The following IGSF21 variants were observed in gnomAD, a reference collection of about 807,000 sequenced individuals.
IGSF21 encodes immunoglobin superfamily member 21.
IGSF21 carries 28 observed loss-of-function variants against 46.8 expected under a neutral mutation model. The observed-to-expected ratio is 0.60, with a 90% CI of 0.44 to 0.82. The LOEUF (loss-of-function observed/expected upper bound fraction) is 0.82, where lower values mean the gene tolerates loss of function less well. IGSF21 is among the 40% of genes least tolerant of loss of function. The pLI is 0.00. For synonymous variants in IGSF21, 284 were observed against 273.6 expected (o/e 1.04, Z -0.38); for missense variants, 624 against 665.5 (o/e 0.94, Z 0.69).
chr1:18,180,437 G>A (rs996848193), intron 1 of IGSF21, among the ~76,000 whole-genome samples: 1 of 152,206 alleles, frequency 6.6e-6, no homozygotes, highest in Non-Finnish European at 1.5e-5. Flanking sequence ...CACCATTGCA[G>A]AGACTGAGGC....
At chr1:18,271,090 G>A in intron 2 of IGSF21, among the ~76,000 whole-genome samples, 1 of 152,180 alleles carries the variant, frequency 6.6e-6, no homozygotes, top group East Asian at 1.9e-4. Context: ...AGCACAGAGA[G>A]ACAGCTGCTC....
At chr1:18,254,148 G>A (rs888917405) in intron 2 of IGSF21, among the ~76,000 whole-genome samples, 2 of 152,184 alleles carry the variant, frequency 1.3e-5, no homozygotes, top group Admixed American at 6.5e-5. Context: ...CTTGTAGTAA[G>A]TTCTGGAGCC....
chr1:18,143,444 TC>T (rs2086436649), intron 1 of IGSF21, among the ~76,000 whole-genome samples: 1 of 152,146 alleles, frequency 6.6e-6, no homozygotes, highest in Non-Finnish European at 1.5e-5. Context: ...CTTAGAACTC[TC>T]CATGGCTCCC....
intron 1 of IGSF21, among the ~76,000 whole-genome samples, chr1:18,122,613 G>T (rs572644164): frequency 2.0e-5 from 3 of 148,448 alleles, no homozygotes; most frequent in Non-Finnish European, 3.0e-5. Context: ...ATTGACTGTC[G>T]ATTTTTTTTC....
chr1:18,368,564 C>A (rs1482209780), intron 6 of IGSF21, among the ~76,000 whole-genome samples: 1 of 148,486 alleles, frequency 6.7e-6, no homozygotes, highest in Non-Finnish European at 1.5e-5. Flanking sequence ...CATCACAAGG[C>A]CAGGCCCTGT....
chr1:18,370,861 C>A (rs1427738868), intron 6 of IGSF21, among the ~76,000 whole-genome samples: 2 of 152,036 alleles, frequency 1.3e-5, no homozygotes, highest in African/African-American at 4.8e-5. Flanking sequence ...ATGAAGATTC[C>A]AACCTCCATG....
At chr1:18,284,736 T>TC (rs2085196000) in intron 2 of IGSF21, among the ~76,000 whole-genome samples, 1 of 152,200 alleles carries the variant, frequency 6.6e-6, no homozygotes, top group Admixed American at 6.5e-5. Context: ...AATGCCCTTT[T>TC]CCCCTAACTA....
In IGSF21 at chr1:18,378,333, C is replaced by T. The variant is rs1411027755; in HGVS notation, c.*7C>T. 1 of 1,612,602 alleles carries T rather than the reference C, an allele frequency of 6.2e-7. No individual in the cohort carries two copies. Among genetic ancestry groups the T allele is most frequent in the Non-Finnish European group, 8.5e-7 (1 of 1,179,058 alleles). On this transcript the variant is annotated 3_prime_UTR_variant, in exon 10 of 10. Transcript: ENST00000251296. ...GATTCTGGAGCTGACGTGAAGGCACCCGCCCCGGCCACTCCATCAGGCACT... is the reference window on the plus strand; with the variant it reads ...GATTCTGGAGCTGACGTGAAGGCACTCGCCCCGGCCACTCCATCAGGCACT...
intron 2 of IGSF21, among the ~76,000 whole-genome samples, chr1:18,269,545 G>A (rs1382850887): frequency 6.6e-6 from 1 of 152,158 alleles, no homozygotes; most frequent in Non-Finnish European, 1.5e-5. Flanking sequence ...CTAAAGTCCA[G>A]AGTCTGCACC....
rs2086159051 is a variant in IGSF21, at chr1:18,365,756, CT to C, written c.1015+61del. 2 of 1,426,480 alleles carry C rather than the reference CT, an allele frequency of 1.4e-6. No individual in the cohort carries two copies. Among genetic ancestry groups the C allele is most frequent in the African/African-American group, 2.8e-5 (2 of 70,434 alleles). 88.4% of individuals were successfully genotyped at this position (1,426,480 alleles called of 1,614,324 possible). A position where few individuals can be genotyped will look rare whatever the true frequency, so the allele number is the denominator to read the frequency against. ...TTGCAGACCTGGGTGTGGGGAGAGCCTTGGAATAGGGTTCCTGGGCTGAGGA... is the reference window on the plus strand; with the variant it reads ...TTGCAGACCTGGGTGTGGGGAGAGCCTGGAATAGGGTTCCTGGGCTGAGGA... On this transcript the variant is annotated intron_variant, in intron 6 of 9. Transcript: ENST00000251296. The surrounding 1 kb of genome is among the most constrained non-coding windows in gnomAD (Gnocchi z 4.8).
chr1:18,216,840 G>A (rs574030011), intron 1 of IGSF21, among the ~76,000 whole-genome samples: 1 of 152,154 alleles, frequency 6.6e-6, no homozygotes, highest in East Asian at 1.9e-4. Flanking sequence ...AGATATGGTT[G>A]CAGTAATTGG....
chr1:18,221,412 G>A (rs1166310055), intron 1 of IGSF21, among the ~76,000 whole-genome samples: 1 of 152,070 alleles, frequency 6.6e-6, no homozygotes, highest in Non-Finnish European at 1.5e-5. Flanking sequence ...TCTCATGGAA[G>A]CCCTCGCTGA....
rs369354527 is a variant in IGSF21 at position 18,223,186 on chromosome 1, C to A, written c.71-4712C>A. Among the ~76,000 whole-genome samples the A allele has an allele frequency of 1.7e-4, 26 of 152,336 alleles. 2 individuals are homozygous for A. The South Asian group carries it at 3.7e-3, about 22-fold the overall frequency. ...CCCACCATCTCTCACGTGAGCCTGG[C>A]CCCAACCCCAGGTCTCTCTGTTTAT... is the stretch of plus-strand genomic sequence containing the variant. On this transcript the variant is annotated intron_variant, in intron 1 of 9. Coordinates refer to ENST00000251296, the MANE Select transcript of IGSF21 (RefSeq NM_032880.5).
At chr1:18,305,532 A>AATGGATGGATGGATGATGG (rs2085415792) in intron 3 of IGSF21, among the ~76,000 whole-genome samples, 1 of 50,516 alleles carries the variant, frequency 2.0e-5, no homozygotes, top group African/African-American at 4.7e-5. Flanking sequence ...ATGGATTATG[A>AATGGATGGATGGATGATGG]ATGGATGGAT....
At chr1:18,140,462 A>G (rs921866826) in intron 1 of IGSF21, among the ~76,000 whole-genome samples, 9 of 152,266 alleles carry the variant, frequency 5.9e-5, no homozygotes, top group Middle Eastern at 3.4e-3. Flanking sequence ...CCAAGCCTCA[A>G]TGTGCCTAGA....
chr1:18,225,242 C>A (rs535038507), intron 1 of IGSF21, among the ~76,000 whole-genome samples: 5 of 152,100 alleles, frequency 3.3e-5, no homozygotes, highest in African/African-American at 1.2e-4. Context: ...CACACACTTC[C>A]TGATTCACCT....
At chr1:18,168,409 G>A (rs1256904944) in intron 1 of IGSF21, among the ~76,000 whole-genome samples, 1 of 152,084 alleles carries the variant, frequency 6.6e-6, no homozygotes, top group Non-Finnish European at 1.5e-5. Flanking sequence ...TAATATCAAA[G>A]CATCACTCAG....
intron 2 of IGSF21, 109 bp downstream of exon 2, chr1:18,228,119 AGTCCTGAGTT>A: frequency 1.2e-6 from 1 of 810,692 alleles, no homozygotes; most frequent in East Asian, 2.7e-5. Flanking sequence ...GCCCTGACCC[AGTCCTGAGTT>A]GTCCTGGGCA....
At position 18,365,289 on chromosome 1, in the gene IGSF21, T is replaced by G. The variant is rs781110702; in HGVS notation, c.607T>G (p.Ser203Ala). ...VPLSEPPAAS[S>A]GPLQDSRPFR... ...CCTATCAGAGCCACCAGCTGCGAGC[T>G]CCGGCCCCCTACAGGACAGCAGGCC... is the stretch of plus-strand genomic sequence containing the variant. Residue 203 changes from serine to alanine, a missense_variant, in exon 6 of 10, where the codon TCC becomes GCC. Coordinates refer to ENST00000251296, the MANE Select transcript of IGSF21 (RefSeq NM_032880.5). This position sits in a 1 kb window ranked among gnomAD's most constrained non-coding sequence, Gnocchi z 4.8. 2 of 1,613,686 alleles carry G rather than the reference T, an allele frequency of 1.2e-6. No individual in the cohort carries two copies. Among genetic ancestry groups the G allele is most frequent in the East Asian group, 4.5e-5 (2 of 44,848 alleles).
Sources: allele counts gnomAD v4.1 joint callset (sites outside exome capture counted in the v4.1 genomes callset), GRCh38; gene constraint gnomAD v4.1.1; non-coding constraint Gnocchi (gnomAD v3.1); transcripts MANE v1.5; gene names NCBI Gene and HGNC (gene_info 2026-07-23, HGNC 2026-07-21).